The following RYR2 variants were observed in gnomAD, a reference collection of about 807,000 sequenced individuals.
The protein encoded by RYR2 is ryanodine receptor 2, also known as cardiac muscle ryanodine receptor-calcium release channel.
RYR2 carries 227 observed loss-of-function variants against 601.1 expected under a neutral mutation model. The observed-to-expected ratio is 0.38, with a 90% CI of 0.34 to 0.42. RYR2 has a LOEUF of 0.42. Among genes scored for constraint, RYR2 ranks in the 10% least tolerant of loss-of-function variants. The pLI, the probability that RYR2 is intolerant of heterozygous loss-of-function variation, is 1.00. For synonymous variants in RYR2, 2,223 were observed against 2,175.1 expected, an observed-to-expected ratio of 1.02 and a Z score of -0.61; for missense variants, 4,646 against 6,156.5, an observed-to-expected ratio of 0.75 and a Z score of 8.21.
At chr1:237,498,720 A>G (rs1041468256) in intron 20 of RYR2, among the ~76,000 whole-genome samples, 8 of 152,198 alleles carry the variant, frequency 5.3e-5, no homozygotes, top group Non-Finnish European at 1.2e-4. Flanking sequence ...ATGGAATTGA[A>G]TTGTATGCGT....
chr1:237,444,593 G>A (rs1708172054), intron 13 of RYR2, among the ~76,000 whole-genome samples: 1 of 152,142 alleles, frequency 6.6e-6, no homozygotes, highest in Admixed American at 6.5e-5. Flanking sequence ...GATCTGTGCT[G>A]TCAAAAGTCT....
intron 23 of RYR2, 128 bp downstream of exon 23, chr1:237,506,942 CA>C: frequency 1.2e-6 from 1 of 800,940 alleles, no homozygotes; most frequent in Non-Finnish European, 2.0e-6. Context: ...TCCCCCTACA[CA>C]TTAGTTTTTG....
chr1:237,180,429 C>G lies in RYR2; in HGVS notation c.49-90068C>G, dbSNP rs1229471173. Among the ~76,000 whole-genome samples the G allele has an allele frequency of 6.6e-6, 1 of 151,988 alleles. No homozygotes were observed. Among genetic ancestry groups the G allele is most frequent in the Non-Finnish European group, 1.5e-5 (1 of 68,028 alleles). ...TGATTGCTCTCTGGTAACCGACTCTCCAGCCTCTTCATTTCCAGTACACAA... is the reference window on the plus strand; with the variant it reads ...TGATTGCTCTCTGGTAACCGACTCTGCAGCCTCTTCATTTCCAGTACACAA... On this transcript the variant is annotated intron_variant, in intron 1 of 104. Transcript: ENST00000366574. The surrounding 1 kb of genome is among the most constrained non-coding windows in gnomAD (Gnocchi z 5.3).
chr1:237,224,444 A>G (rs558231263), intron 1 of RYR2, among the ~76,000 whole-genome samples: 1 of 152,256 alleles, frequency 6.6e-6, no homozygotes, highest in South Asian at 2.1e-4. Context: ...CTATGCCCCA[A>G]CCCCCATGTC....
intron 1 of RYR2, among the ~76,000 whole-genome samples, chr1:237,063,597 CAT>C (rs1030290066): frequency 5.6e-4 from 82 of 147,610 alleles, no homozygotes; most frequent in African/African-American, 2.0e-3. Flanking sequence ...CACACACACA[CAT>C]ACACACTCTC....
At chr1:237,080,920 C>A (rs1218992809) in intron 1 of RYR2, among the ~76,000 whole-genome samples, 4 of 40,882 alleles carry the variant, frequency 9.8e-5, no homozygotes, top group Non-Finnish European at 1.5e-4. Context: ...GAAAATGTGG[C>A]ACATATACAC....
At chr1:237,258,622 T>C (rs1688226189) in intron 1 of RYR2, among the ~76,000 whole-genome samples, 1 of 152,216 alleles carries the variant, frequency 6.6e-6, no homozygotes. Context: ...AGAAAAGTGT[T>C]CAAGACTTTC....
At chr1:237,699,231 G>A (rs1687752202) in intron 64 of RYR2, among the ~76,000 whole-genome samples, 1 of 152,080 alleles carries the variant, frequency 6.6e-6, no homozygotes, top group African/African-American at 2.4e-5. Context: ...TTTAATGTCA[G>A]GTAATTTCTG....
intron 87 of RYR2, among the ~76,000 whole-genome samples, chr1:237,778,371 C>G (rs1217200080): frequency 7.3e-6 from 1 of 137,514 alleles, no homozygotes; most frequent in Admixed American, 7.6e-5. Context: ...TTTTTTTCCT[C>G]TAAATAGAGG....
intron 32 of RYR2, among the ~76,000 whole-genome samples, chr1:237,592,719 A>G (rs1418894744): frequency 6.6e-6 from 1 of 151,740 alleles, no homozygotes; most frequent in Non-Finnish European, 1.5e-5. Flanking sequence ...GTGGGTGACG[A>G]GTATAAAAAC....
chr1:237,094,784 G>A (rs998852870), intron 1 of RYR2, among the ~76,000 whole-genome samples: 1 of 152,058 alleles, frequency 6.6e-6, no homozygotes, highest in African/African-American at 2.4e-5. Flanking sequence ...GTAGAGACGG[G>A]GTTTCACCGT....
intron 3 of RYR2, among the ~76,000 whole-genome samples, chr1:237,345,277 G>A (rs1698193513): frequency 6.6e-6 from 1 of 151,930 alleles, no homozygotes; most frequent in Admixed American, 6.6e-5. Flanking sequence ...TTGTTAGAAT[G>A]TGTAAAAATT....
intron 36 of RYR2, 74 bp from the exon 37 acceptor site, chr1:237,613,965 T>A (rs959471985): frequency 1.4e-6 from 2 of 1,409,924 alleles, no homozygotes. Flanking sequence ...CAGTGCATAC[T>A]GATTTCTCCT....
intron 76 of RYR2, among the ~76,000 whole-genome samples, chr1:237,729,267 G>A (rs1690476626): frequency 6.6e-6 from 1 of 152,148 alleles, no homozygotes; most frequent in Non-Finnish European, 1.5e-5. Context: ...CATTTAAAAA[G>A]TATTCAGGCC....
At chr1:237,085,316 C>A (rs1426512893) in intron 1 of RYR2, among the ~76,000 whole-genome samples, 1 of 152,136 alleles carries the variant, frequency 6.6e-6, no homozygotes, top group Non-Finnish European at 1.5e-5. Context: ...GGAGTCAAGT[C>A]TTTGGAGTCA....
intron 3 of RYR2, among the ~76,000 whole-genome samples, chr1:237,345,886 A>T (rs58775990): frequency 0.094 from 14,229 of 152,074 alleles, 858 homozygotes; most frequent in African/African-American, 0.17. Context: ...TATCTCCCAA[A>T]TGAAATTACT....
At chr1:237,376,508 G>A (rs1476863143) in intron 7 of RYR2, among the ~76,000 whole-genome samples, 1 of 122,006 alleles carries the variant, frequency 8.2e-6, no homozygotes, top group East Asian at 2.0e-4. Context: ...GTAAAGAATG[G>A]TAAATGATGA....
At chr1:237,515,738 T>C (rs116328925) in intron 24 of RYR2, among the ~76,000 whole-genome samples, 1 of 2,808 alleles carries the variant, frequency 3.6e-4, no homozygotes, top group Non-Finnish European at 6.6e-4. Context: ...TCTTTCTCCT[T>C]CCCCTTCTTC....
intron 25 of RYR2, among the ~76,000 whole-genome samples, chr1:237,531,581 A>G (rs965980156): frequency 1.3e-5 from 2 of 152,152 alleles, no homozygotes; most frequent in Admixed American, 1.3e-4. Context: ...TACCCCAGAA[A>G]AACATAAAAT....
Sources: gnomAD v4.1 joint callset for allele counts (sites outside exome capture counted in the v4.1 genomes callset) on GRCh38, gnomAD v4.1.1 for gene constraint, Gnocchi (gnomAD v3.1) non-coding constraint, MANE v1.5 for transcripts, NCBI Gene and HGNC (gene_info 2026-07-23, HGNC 2026-07-21) for gene names.